The following POT1 variants were observed in gnomAD, a reference collection of about 807,000 sequenced individuals.
POT1 encodes protection of telomeres 1.
In POT1, 47 loss-of-function variants were observed where a neutral mutation model predicts 78.5. The ratio of observed to expected loss-of-function variants is 0.60; its 90% confidence interval spans 0.47 to 0.76. The LOEUF (loss-of-function observed/expected upper bound fraction) is 0.76. POT1 is among the 30% of genes least tolerant of loss of function. POT1 has a pLI of 0.00. For missense variants in POT1, 646 were observed against 749.9 expected (o/e 0.86, Z 1.62); for synonymous variants, 259 against 260.7 (o/e 0.99, Z 0.06).
intron 13 of POT1, among the ~76,000 whole-genome samples, chr7:124,842,210 C>A (rs950154956): frequency 3.3e-5 from 5 of 151,780 alleles, no homozygotes; most frequent in Admixed American, 6.6e-5. Flanking sequence ...AGGCAAATTG[C>A]AAAAAGATGA....
chr7:124,858,244 T>C (rs905698695), intron 9 of POT1, among the ~76,000 whole-genome samples: 4 of 152,216 alleles, frequency 2.6e-5, no homozygotes, highest in Admixed American at 2.6e-4. Context: ...ACCTGTCTTA[T>C]AGGAGAGTAC....
At chr7:124,923,752 A>T (rs1395626783) in intron 2 of POT1, among the ~76,000 whole-genome samples, 2 of 142,432 alleles carry the variant, frequency 1.4e-5, no homozygotes, top group Non-Finnish European at 3.1e-5. Flanking sequence ...AGTCAAAGTT[A>T]AAAAAAAAAA....
At chr7:124,902,254 A>C (rs989465285) in intron 3 of POT1, among the ~76,000 whole-genome samples, 2 of 152,320 alleles carry the variant, frequency 1.3e-5, no homozygotes, top group Non-Finnish European at 2.9e-5. Context: ...ATGAAGGAAA[A>C]AATGTTAAGA....
At chr7:124,832,631 A>G (rs1214056770) in intron 15 of POT1, among the ~76,000 whole-genome samples, 3 of 152,062 alleles carry the variant, frequency 2.0e-5, no homozygotes, top group Non-Finnish European at 4.4e-5. Flanking sequence ...CCTGGCCAAC[A>G]TGGTGAAACC....
intron 2 of POT1, among the ~76,000 whole-genome samples, chr7:124,928,326 A>G (rs1459223188): frequency 6.6e-6 from 1 of 152,170 alleles, no homozygotes; most frequent in Non-Finnish European, 1.5e-5. Context: ...AAAACCTACT[A>G]AAGACTTCCC....
At chr7:124,922,476 G>A (rs891606020) in intron 2 of POT1, among the ~76,000 whole-genome samples, 1 of 151,960 alleles carries the variant, frequency 6.6e-6, no homozygotes, top group Non-Finnish European at 1.5e-5. Flanking sequence ...AGGGGAGTGA[G>A]TAAATGGAAT....
Position 124,864,346 on chromosome 7 carries a change from A to G in POT1, c.256-706T>C, listed in dbSNP as rs112000499. 3.7e-3 allele frequency among the ~76,000 whole-genome samples: 564 copies of G among 152,138 alleles called. 4 individuals carry two copies. Among genetic ancestry groups the G allele is most frequent in the African/African-American group, 0.013 (520 of 41,488 alleles). ...AAAGTGCATTTCTCATAGGTAGCAT[A>G]TATTTGGTTCCTGATTATTTTTGTT... On this transcript the variant is annotated intron_variant, in intron 7 of 18. Coordinates refer to ENST00000357628, the MANE Select transcript of POT1 (RefSeq NM_015450.3).
intron 2 of POT1, among the ~76,000 whole-genome samples, chr7:124,918,522 A>C (rs1797072080): frequency 6.6e-6 from 1 of 152,194 alleles, no homozygotes; most frequent in African/African-American, 2.4e-5. Flanking sequence ...TTTTTGGGTG[A>C]TCATGCTATA....
At chr7:124,857,090 T>A (rs1006713987) in intron 9 of POT1, among the ~76,000 whole-genome samples, 1 of 152,184 alleles carries the variant, frequency 6.6e-6, no homozygotes, top group African/African-American at 2.4e-5. Context: ...CCCAGAACAG[T>A]ATTGATGGTG....
At chr7:124,894,540 A>C (rs565773723) in intron 5 of POT1, among the ~76,000 whole-genome samples, 13 of 151,630 alleles carry the variant, frequency 8.6e-5, no homozygotes, top group Non-Finnish European at 1.8e-4. Context: ...GCTAAGATAT[A>C]AACCTCATTA....
intron 6 of POT1, among the ~76,000 whole-genome samples, chr7:124,878,167 C>A (rs999421185): frequency 6.6e-6 from 1 of 151,932 alleles, no homozygotes; most frequent in Non-Finnish European, 1.5e-5. Flanking sequence ...CTCATCTCTA[C>A]TAAAAATATA....
At chr7:124,854,580 G>A (rs1795397038) in intron 9 of POT1, among the ~76,000 whole-genome samples, 1 of 151,854 alleles carries the variant, frequency 6.6e-6, no homozygotes, top group Non-Finnish European at 1.5e-5. Context: ...ACACTCCCAG[G>A]TGCTACTCCT....
intron 6 of POT1, among the ~76,000 whole-genome samples, chr7:124,887,554 T>C (rs1220354042): frequency 1.3e-5 from 2 of 152,148 alleles, no homozygotes; most frequent in Non-Finnish European, 2.9e-5. Flanking sequence ...AAAATGGTTT[T>C]GTAATATGAA....
chr7:124,868,644 G>T (rs1023560323), intron 7 of POT1, among the ~76,000 whole-genome samples: 2 of 150,670 alleles, frequency 1.3e-5, no homozygotes, highest in Admixed American at 6.6e-5. Flanking sequence ...ACTATTAAAT[G>T]ATTTAAATAA....
intron 3 of POT1, among the ~76,000 whole-genome samples, chr7:124,913,612 T>A (rs973822183): frequency 6.6e-6 from 1 of 152,220 alleles, no homozygotes. Context: ...TTAGCTCTTA[T>A]ATATAGATGC....
chr7:124,876,825 T>C (rs1796001091), intron 6 of POT1, among the ~76,000 whole-genome samples: 1 of 152,186 alleles, frequency 6.6e-6, no homozygotes. Context: ...TACAAAAATA[T>C]TCTACTGACT....
rs1197772421 is a variant in POT1, at chr7:124,894,092, A to T, written c.10-1712T>A. The stretch of plus-strand genomic sequence containing the variant: ...TAAATAAAGCCTTAAAGGGCTTTGT[A>T]TAAGTGATCCCAACATCAAATGGAA... On this transcript the variant is annotated intron_variant, in intron 5 of 18. Coordinates refer to ENST00000357628, the MANE Select transcript of POT1 (RefSeq NM_015450.3). Among the ~76,000 whole-genome samples, 3 of 151,624 alleles carry T rather than the reference A, an allele frequency of 2.0e-5. No individual in the cohort carries two copies. In the East Asian group the frequency reaches 5.8e-4, roughly 29 times the overall value.
chr7:124,862,151 G>A (rs150511853), intron 8 of POT1, among the ~76,000 whole-genome samples: 1 of 152,116 alleles, frequency 6.6e-6, no homozygotes, highest in African/African-American at 2.4e-5. Context: ...GTTTTCACTT[G>A]TCCAAAAAAG....
intron 6 of POT1, among the ~76,000 whole-genome samples, chr7:124,886,233 T>C (rs1199084939): frequency 6.6e-6 from 1 of 152,202 alleles, no homozygotes; most frequent in African/African-American, 2.4e-5. Context: ...ATACACTTTT[T>C]CCATCTACCT....
Sources: gnomAD v4.1 joint callset for allele counts (sites outside exome capture counted in the v4.1 genomes callset) on GRCh38, gnomAD v4.1.1 for gene constraint, MANE v1.5 for transcripts, NCBI Gene and HGNC (gene_info 2026-07-23, HGNC 2026-07-21) for gene names.